The following UNC13B variants were observed in gnomAD, a reference collection of about 807,000 sequenced individuals.
UNC13B encodes unc-13 homolog B, also known as protein unc-13 homolog B.
UNC13B carries 144 observed loss-of-function variants against 211.0 expected under a neutral mutation model. That is an observed-to-expected ratio of 0.68 (90% CI 0.60 to 0.78). UNC13B has a LOEUF of 0.78. Ranked by LOEUF, UNC13B falls within the 30% of genes least tolerant of loss-of-function variation. The probability of loss-of-function intolerance (pLI) is 0.00; values close to 1 mark genes in which losing one functional copy is unlikely to be tolerated. For missense variants in UNC13B, 1,777 were observed against 2,002.0 expected, an observed-to-expected ratio of 0.89 and a Z score of 2.14; for synonymous variants, 709 against 725.8, an observed-to-expected ratio of 0.98 and a Z score of 0.37.
Position 35,232,840 on chromosome 9 carries a change from A to G in UNC13B, c.152+1621A>G, listed in dbSNP as rs145575745. Among the ~76,000 whole-genome samples, 22 of 152,280 alleles carry G rather than the reference A, an allele frequency of 1.4e-4. No homozygotes were observed. The East Asian group carries it at 3.9e-3, about 27-fold the overall frequency. Reference sequence around the variant, plus strand: ...GAGAAAGCTTAGGGAGAGAATGTGTATGGTGAGAAAAGGGACTGGAGTAGA... The same window carrying G: ...GAGAAAGCTTAGGGAGAGAATGTGTGTGGTGAGAAAAGGGACTGGAGTAGA... On this transcript the variant is annotated intron_variant, in intron 3 of 39. Coordinates refer to ENST00000635942, the MANE Select transcript of UNC13B (RefSeq NM_001371189.2).
intron 12 of UNC13B, among the ~76,000 whole-genome samples, chr9:35,368,163 C>T (rs1475057950): frequency 6.6e-6 from 1 of 152,134 alleles, no homozygotes; most frequent in African/African-American, 2.4e-5. Flanking sequence ...TATTTCATCA[C>T]CCAAGTACTA....
chr9:35,290,087 A>G (rs149775791), intron 7 of UNC13B, among the ~76,000 whole-genome samples: 3 of 152,290 alleles, frequency 2.0e-5, no homozygotes, highest in East Asian at 3.9e-4. Context: ...TTGAAATTCA[A>G]TTTGGGTGTG....
chr9:35,397,984 A>G (rs1836001818), intron 30 of UNC13B, among the ~76,000 whole-genome samples: 1 of 152,172 alleles, frequency 6.6e-6, no homozygotes, highest in Admixed American at 6.5e-5. Flanking sequence ...GAAAGTTATA[A>G]AGGATAATAC....
At chr9:35,313,145 G>T (rs188860162) in intron 10 of UNC13B, among the ~76,000 whole-genome samples, 2 of 152,100 alleles carry the variant, frequency 1.3e-5, no homozygotes, top group Admixed American at 1.3e-4. Context: ...CAGGGCTCTC[G>T]CCATTGCCTC....
chr9:35,225,476 A>G (rs895182074), intron 1 of UNC13B, among the ~76,000 whole-genome samples: 1 of 151,936 alleles, frequency 6.6e-6, no homozygotes, highest in Admixed American at 6.6e-5. Context: ...TTCTTCTTAT[A>G]TTGATATTTG....
At chr9:35,166,874 A>C (rs1821063149) in intron 1 of UNC13B, among the ~76,000 whole-genome samples, 1 of 152,070 alleles carries the variant, frequency 6.6e-6, no homozygotes, top group Non-Finnish European at 1.5e-5. Context: ...TGTACATAGC[A>C]TTCTTCAGCT....
intron 11 of UNC13B, among the ~76,000 whole-genome samples, chr9:35,330,450 T>C (rs1471247840): frequency 6.6e-6 from 1 of 152,232 alleles, no homozygotes; most frequent in Admixed American, 6.5e-5. Context: ...CAGGCTGTTA[T>C]AGGGATCTAG....
In UNC13B at chr9:35,376,157, G is replaced by A. The variant is rs994129317; in HGVS notation, c.9745G>A (p.Gly3249Ser). Residue 3249 changes from glycine (G) to serine (S), a missense_variant, in exon 15 of 40, where the codon GGC (glycine) becomes AGC (serine). Gly to Ser is a moderately conservative substitution (Grantham distance 56). Transcript: ENST00000635942. ...CTATGAGTGTGAAGGCCTGCTCTGG[G>A]GCATTGCCCGGCAGGGCATGCGCTG... ...YCYECEGLLW[G>S]IARQGMRCSE... 2.3e-5 allele frequency: 37 copies of A among 1,614,126 alleles called. 1 individual carries two copies. Among genetic ancestry groups the A allele is most frequent in the Non-Finnish European group, 2.9e-5 (34 of 1,180,058 alleles).
chr9:35,289,504 T>C (rs988103945), intron 7 of UNC13B, among the ~76,000 whole-genome samples: 1 of 152,220 alleles, frequency 6.6e-6, no homozygotes, highest in Admixed American at 6.5e-5. Context: ...GCTCACCATC[T>C]TCCAGGGACT....
intron 11 of UNC13B, among the ~76,000 whole-genome samples, chr9:35,337,045 C>T (rs1031253336): frequency 6.6e-6 from 1 of 151,312 alleles, no homozygotes; most frequent in Non-Finnish European, 1.5e-5. Flanking sequence ...TTCCTCTAGA[C>T]ATGGGCAGGT....
rs1171782292 is a variant in UNC13B, at chr9:35,305,636, G to A, written c.6232G>A (p.Asp2078Asn). Residue 2078 changes from aspartate (D) to asparagine (N), a missense_variant, in exon 9 of 40, where the codon GAC becomes AAC. Asp to Asn is a conservative substitution (Grantham distance 23). Coordinates refer to ENST00000635942, the MANE Select transcript of UNC13B (RefSeq NM_001371189.2). ...GACTGAAAAAGAGGTACCATTCAGAGACCATCTAATCCAGCAGTCACCTAA... is the reference window on the plus strand; with the variant it reads ...GACTGAAAAAGAGGTACCATTCAGAAACCATCTAATCCAGCAGTCACCTAA... ...DLTEKEVPFR[D>N]HLIQQSPNSS... 3 of 398,854 alleles carry A rather than the reference G, an allele frequency of 7.5e-6. No homozygotes were observed. Among genetic ancestry groups the A allele is most frequent in the African/African-American group, 6.2e-5 (3 of 48,634 alleles). 24.7% of individuals were successfully genotyped at this position (398,854 alleles called of 1,614,324 possible). A position where few individuals can be genotyped will look rare whatever the true frequency, so the allele number is the denominator to read the frequency against.
At chr9:35,357,567 AT>A (rs1481380257) in intron 11 of UNC13B, among the ~76,000 whole-genome samples, 2 of 141,914 alleles carry the variant, frequency 1.4e-5, no homozygotes, top group Admixed American at 7.0e-5. Flanking sequence ...TGAAGCATAC[AT>A]TTTTTTATTG....
rs538107562 is a variant in UNC13B, at chr9:35,174,031, A to G, written c.22+11726A>G. Among the ~76,000 whole-genome samples the G allele has an allele frequency of 9.2e-5, 14 of 152,354 alleles. No homozygotes were observed. In the South Asian group the frequency reaches 1.2e-3, roughly 14 times the overall value. On this transcript the variant is annotated intron_variant, in intron 1 of 39. Coordinates refer to ENST00000635942, the MANE Select transcript of UNC13B (RefSeq NM_001371189.2). ...GAAAGTGATTAGTACTGTCCCAGGC[A>G]TAGAATGAGTACTTATTTTAATATA... is the stretch of plus-strand genomic sequence containing the variant.
At chr9:35,308,531 AC>A in intron 9 of UNC13B, 119 bp downstream of exon 9, 1 of 396,748 alleles carries the variant, frequency 2.5e-6, no homozygotes, top group East Asian at 3.6e-5. Flanking sequence ...CTTTCCTAGT[AC>A]CCGAGCTTCA....
chr9:35,314,079 A>C (rs1232184498), intron 11 of UNC13B, 90 bp downstream of exon 11: 12 of 1,036,918 alleles, frequency 1.2e-5, no homozygotes, highest in Non-Finnish European at 1.2e-5. Flanking sequence ...GTGATTAGTC[A>C]TCTTCTTACA....
rs962894037 is a variant in UNC13B, at chr9:35,376,393, T to C, written c.9835+146T>C. 5 of 856,168 alleles carry C rather than the reference T, an allele frequency of 5.8e-6. No individual in the cohort carries two copies. In the African/African-American group the frequency reaches 8.4e-5, roughly 14 times the overall value. The allele number at this position is 856,168 out of a possible 1,614,324, so 53.0% of individuals were successfully genotyped here. A position where few individuals can be genotyped will look rare whatever the true frequency, so the allele number is the denominator to read the frequency against. On this transcript the variant is annotated intron_variant, in intron 15 of 39. Transcript: ENST00000635942. ...CCTATCCATTTCAGAGAAGGTAGGA[T>C]TCTGAATCAAGGGGCATTGCCTTTC...
At chr9:35,182,379 T>G (rs573714690) in intron 1 of UNC13B, among the ~76,000 whole-genome samples, 1 of 151,894 alleles carries the variant, frequency 6.6e-6, no homozygotes, top group African/African-American at 2.4e-5. Flanking sequence ...TGACCCCCCC[T>G]TTTTAAAATT....
At chr9:35,233,266 G>T (rs1825310270) in intron 3 of UNC13B, among the ~76,000 whole-genome samples, 1 of 152,070 alleles carries the variant, frequency 6.6e-6, no homozygotes, top group Admixed American at 6.6e-5. Context: ...ATCATATGAG[G>T]CACAGTGATC....
chr9:35,178,130 C>G (rs1037536939), intron 1 of UNC13B, among the ~76,000 whole-genome samples: 6 of 152,118 alleles, frequency 3.9e-5, no homozygotes, highest in African/African-American at 1.4e-4. Flanking sequence ...AACATATACT[C>G]AGCATCATCA....
Sources: gnomAD v4.1 joint callset for allele counts (sites outside exome capture counted in the v4.1 genomes callset) on GRCh38, gnomAD v4.1.1 for gene constraint, MANE v1.5 for transcripts, NCBI Gene and HGNC (gene_info 2026-07-23, HGNC 2026-07-21) for gene names.